TNR: variants seen among roughly 807,000 people sequenced by gnomAD.
TNR encodes tenascin R.
In TNR, 45 loss-of-function variants were observed where a neutral mutation model predicts 150.4. That is an observed-to-expected ratio of 0.30 (90% CI 0.24 to 0.38). TNR has a LOEUF of 0.38. Among genes scored for constraint, TNR ranks in the 10% least tolerant of loss-of-function variants. TNR has a pLI of 1.00. For synonymous variants in TNR, 687 were observed against 678.4 expected (o/e 1.01, Z -0.20); for missense variants, 1,544 against 1,759.1 (o/e 0.88, Z 2.19).
intron 1 of TNR, among the ~76,000 whole-genome samples, chr1:175,699,414 T>C (rs1666621298): frequency 6.6e-6 from 1 of 152,194 alleles, no homozygotes; most frequent in Non-Finnish European, 1.5e-5. Flanking sequence ...TTTGTTCCTC[T>C]AGCCATTTTC....
In TNR at chr1:175,419,643, G is replaced by T. The variant is rs144196826; in HGVS notation, c.-63-12866C>A. Among the ~76,000 whole-genome samples the T allele has an allele frequency of 6.3e-3, 955 of 152,072 alleles. 9 individuals carry two copies. The highest frequency in any genetic ancestry group is 0.022 in the African/African-American group (907 of 41,420). On this transcript the variant is annotated intron_variant, in intron 2 of 22. Transcript: ENST00000367674. ...ACTGCAAGTGCCCACCACCACGCCCGGCTAATTTTTATATTTTTAGTAGAG... is the reference window on the plus strand; with the variant it reads ...ACTGCAAGTGCCCACCACCACGCCCTGCTAATTTTTATATTTTTAGTAGAG...
chr1:175,686,205 T>C (rs1050385977), intron 1 of TNR, among the ~76,000 whole-genome samples: 1 of 152,236 alleles, frequency 6.6e-6, no homozygotes, highest in Non-Finnish European at 1.5e-5. Flanking sequence ...TAAAGGCCAG[T>C]TTCTTGTAAT....
chr1:175,367,303 A>G lies in TNR; in HGVS notation c.1964-6T>C. 1.2e-6 allele frequency: 2 copies of G among 1,613,288 alleles called. No individual in the cohort carries two copies. Among genetic ancestry groups the G allele is most frequent in the Non-Finnish European group, 1.7e-6 (2 of 1,179,210 alleles). On this transcript the variant is annotated splice_polypyrimidine_tract_variant and splice_region_variant and intron_variant, in intron 9 of 22. Transcript: ENST00000367674. ...CTCAGTGCCAGGTACCAGATCTATC[A>G]GTGGATGGAGAAACAAACATTATTC...
intron 1 of TNR, among the ~76,000 whole-genome samples, chr1:175,588,450 G>A (rs114321170): frequency 0.03 from 4,558 of 152,292 alleles, 97 homozygotes; most frequent in Non-Finnish European, 0.052. Context: ...CCTGAAAGCT[G>A]CAGCCAAAAG....
rs1174763224 is a variant in TNR at position 175,337,530 on chromosome 1, T to TC, written c.3531dup (p.Ile1178AspfsTer12). On this transcript the variant is annotated frameshift_variant, in exon 19 of 23. Transcript: ENST00000367674. LOFTEE classifies it high-confidence loss of function. ...AGGAGAGCACAGATTGTACTTACAA[T>TC]CCAGCCGCCCCCGTCGGTGGTCATA... 1 of 1,612,824 alleles carries TC rather than the reference T, an allele frequency of 6.2e-7. No individual in the cohort carries two copies. Among genetic ancestry groups the TC allele is most frequent in the Non-Finnish European group, 8.5e-7 (1 of 1,179,996 alleles).
intron 2 of TNR, among the ~76,000 whole-genome samples, chr1:175,438,282 T>C (rs1379147833): frequency 2.0e-5 from 3 of 152,142 alleles, no homozygotes; most frequent in Admixed American, 2.0e-4. Context: ...AAAAACCACA[T>C]GATTATCTCA....
At chr1:175,412,651 C>G (rs919782713) in intron 2 of TNR, among the ~76,000 whole-genome samples, 2 of 151,994 alleles carry the variant, frequency 1.3e-5, no homozygotes, top group Non-Finnish European at 2.9e-5. Context: ...CAATGTGTCC[C>G]GCACTCCAGC....
At chr1:175,648,062 C>A (rs1664856169) in intron 1 of TNR, among the ~76,000 whole-genome samples, 1 of 152,008 alleles carries the variant, frequency 6.6e-6, no homozygotes, top group South Asian at 2.1e-4. Flanking sequence ...ATCTCCCACA[C>A]CCTCCACCCA....
chr1:175,379,911 C>G (rs891395228), intron 8 of TNR, among the ~76,000 whole-genome samples, 174 bp from the exon 9 acceptor site: 2 of 152,146 alleles, frequency 1.3e-5, no homozygotes, highest in African/African-American at 4.8e-5. Flanking sequence ...TGACAAATTC[C>G]TTGGGCAGGT....
intron 1 of TNR, among the ~76,000 whole-genome samples, chr1:175,575,385 C>T (rs1277945861): frequency 6.6e-6 from 1 of 152,196 alleles, no homozygotes; most frequent in Non-Finnish European, 1.5e-5. Context: ...GGACCAACAC[C>T]TTTATTGAGA....
intron 1 of TNR, among the ~76,000 whole-genome samples, chr1:175,614,877 G>T (rs1663720214): frequency 6.6e-6 from 1 of 152,198 alleles, no homozygotes; most frequent in Non-Finnish European, 1.5e-5. Flanking sequence ...CTGTTCAATG[G>T]CAGGGCATTT....
intron 2 of TNR, among the ~76,000 whole-genome samples, chr1:175,430,420 T>C (rs1396061657): frequency 6.6e-6 from 1 of 152,230 alleles, no homozygotes; most frequent in African/African-American, 2.4e-5. Context: ...ACATTTGTTT[T>C]CTCATATTGC....
At chr1:175,717,103 C>T (rs1454241618) in intron 1 of TNR, among the ~76,000 whole-genome samples, 1 of 152,158 alleles carries the variant, frequency 6.6e-6, no homozygotes, top group Non-Finnish European at 1.5e-5. Context: ...ATGCCACCTC[C>T]TTGAAAGACT....
intron 1 of TNR, among the ~76,000 whole-genome samples, chr1:175,650,785 C>A (rs1332959791): frequency 3.2e-4 from 43 of 134,890 alleles, no homozygotes; most frequent in Middle Eastern, 3.8e-3. Flanking sequence ...CCTCATTACT[C>A]CTCCTCCCCC....
rs1415099656 is a variant in TNR, at chr1:175,354,422, C to A, written c.3351G>T (p.Trp1117Cys). 8 of 1,613,984 alleles carry A rather than the reference C, an allele frequency of 5.0e-6. No homozygotes were observed. Among genetic ancestry groups the A allele is most frequent in the Admixed American group, 3.3e-5 (2 of 59,998 alleles). Reference sequence around the variant, plus strand: ...TGAAAGCGGTGGAGGTGATGCTGCTCCACGTGGTGTCCTGTGCTGCCTGCA... The same window carrying A: ...TGAAAGCGGTGGAGGTGATGCTGCTACACGTGGTGTCCTGTGCTGCCTGCA... ...VLLQAAQDTT[W>C]SSITSTAFTT... The change falls in exon 18 of 23, where the codon TGG becomes TGT. Residue 1117 changes from tryptophan (W) to cysteine (C), a missense_variant. By Grantham distance (215) the Trp-to-Cys change is radical. Transcript: ENST00000367674.
At chr1:175,534,775 T>C (rs554695189) in intron 1 of TNR, among the ~76,000 whole-genome samples, 6 of 152,140 alleles carry the variant, frequency 3.9e-5, no homozygotes, top group Non-Finnish European at 8.8e-5. Context: ...TGGCTCTGTG[T>C]CCCCACCCAA....
At chr1:175,654,958 G>A (rs1311292272) in intron 1 of TNR, among the ~76,000 whole-genome samples, 7 of 152,012 alleles carry the variant, frequency 4.6e-5, no homozygotes, top group African/African-American at 1.7e-4. Flanking sequence ...TCCTGACCTC[G>A]TGATCCGCCC....
chr1:175,541,527 T>C (rs1288736417), intron 1 of TNR, among the ~76,000 whole-genome samples: 1 of 152,252 alleles, frequency 6.6e-6, no homozygotes, highest in Non-Finnish European at 1.5e-5. Context: ...TCAGTACTGA[T>C]TAACCACAGC....
intron 1 of TNR, among the ~76,000 whole-genome samples, chr1:175,555,898 T>C (rs1238598185): frequency 6.6e-6 from 1 of 152,194 alleles, no homozygotes; most frequent in African/African-American, 2.4e-5. Flanking sequence ...TCACCAACCA[T>C]CTTAGTGCCA....
Sources: gnomAD v4.1 joint callset for allele counts (sites outside exome capture counted in the v4.1 genomes callset) on GRCh38, gnomAD v4.1.1 for gene constraint, MANE v1.5 for transcripts, NCBI Gene and HGNC (gene_info 2026-07-23, HGNC 2026-07-21) for gene names.